Variants in MAF observed in about 807,000 individuals in gnomAD.
MAF encodes the protein transcription factor Maf.
Under a neutral mutation model 22.0 loss-of-function variants are expected in MAF, and 10 were observed. That is an observed-to-expected ratio of 0.45 (90% CI 0.28 to 0.77). The LOEUF is 0.77. Ranked by LOEUF, MAF falls within the 30% of genes least tolerant of loss-of-function variation. The probability of loss-of-function intolerance (pLI) is 0.12; values close to 1 mark genes in which losing one functional copy is unlikely to be tolerated. For synonymous variants in MAF, 337 were observed against 255.8 expected, an observed-to-expected ratio of 1.32 and a Z score of -3.03; for missense variants, 544 against 548.4, an observed-to-expected ratio of 0.99 and a Z score of 0.08.
At chr16:79,470,560 C>A in the MAF span, among the ~76,000 whole-genome samples, 1 of 152,214 alleles carries the variant, frequency 6.6e-6, no homozygotes, top group Admixed American at 6.5e-5. Flanking sequence ...CAACAGCAGC[C>A]AACTCATTCA....
the MAF span, among the ~76,000 whole-genome samples, chr16:79,421,283 G>C: frequency 6.6e-6 from 1 of 152,148 alleles, no homozygotes; most frequent in Non-Finnish European, 1.5e-5. Flanking sequence ...GCAGTCTATG[G>C]GACTGACAAA....
chr16:79,457,773 G>A, the MAF span, among the ~76,000 whole-genome samples: 1 of 152,090 alleles, frequency 6.6e-6, no homozygotes, highest in African/African-American at 2.4e-5. Flanking sequence ...ACCCCAGAGT[G>A]ATCAAGGCAC....
At chr16:79,359,076 C>T in the MAF span, among the ~76,000 whole-genome samples, 2 of 152,230 alleles carry the variant, frequency 1.3e-5, no homozygotes, top group Non-Finnish European at 2.9e-5. Context: ...CCCAGATCCA[C>T]AGGCATCCCC....
chr16:79,436,621 G>A, the MAF span, among the ~76,000 whole-genome samples: 328 of 152,246 alleles, frequency 2.2e-3, 1 homozygote, highest in African/African-American at 7.3e-3. Context: ...ACTTTTCTGG[G>A]TTTCACCAAA....
chr16:79,477,564 C>T, the MAF span, among the ~76,000 whole-genome samples: 1 of 152,116 alleles, frequency 6.6e-6, no homozygotes, highest in East Asian at 1.9e-4. Flanking sequence ...GTCACAGTTG[C>T]CTTATGAACA....
chr16:79,230,155 T>C, the MAF span, among the ~76,000 whole-genome samples: 3 of 152,096 alleles, frequency 2.0e-5, no homozygotes, highest in Non-Finnish European at 4.4e-5. Flanking sequence ...TTGAGAAACA[T>C]TTCTGGTTCT....
Position 79,600,002 on chromosome 16 carries a change from G to T in MAF, c.-100C>A. 6.5e-7 allele frequency: 1 copy of T among 1,537,606 alleles called. No homozygotes were observed. Among genetic ancestry groups the T allele is most frequent in the Non-Finnish European group, 8.8e-7 (1 of 1,134,090 alleles). On this transcript the variant is annotated 5_prime_UTR_variant, in exon 1 of 2. Coordinates refer to ENST00000326043, the MANE Select transcript of MAF (RefSeq NM_005360.5). ...GGGTGGCCAGCGGGTGAGCCAGCTT[G>T]CCGGGCTGGGGCGCTTCTAGCTTGC...
chr16:79,265,628 A>G, the MAF span, among the ~76,000 whole-genome samples: 1 of 152,238 alleles, frequency 6.6e-6, no homozygotes, highest in Admixed American at 6.5e-5. Flanking sequence ...ATAACTAATA[A>G]TAACAGAACA....
the MAF span, among the ~76,000 whole-genome samples, chr16:79,357,455 G>T: frequency 6.6e-6 from 1 of 152,106 alleles, no homozygotes; most frequent in Non-Finnish European, 1.5e-5. Flanking sequence ...AAACAAAACA[G>T]AAATAAAAAC....
At chr16:79,504,615 T>A in the MAF span, among the ~76,000 whole-genome samples, 2 of 152,106 alleles carry the variant, frequency 1.3e-5, no homozygotes, top group Middle Eastern at 3.4e-3. Flanking sequence ...GGATAGAGGA[T>A]GGAAGATGGA....
chr16:79,287,223 T>C, the MAF span, among the ~76,000 whole-genome samples: 1 of 151,860 alleles, frequency 6.6e-6, no homozygotes, highest in Admixed American at 6.6e-5. Context: ...TTCAATTGGA[T>C]ATGGTGTTCT....
chr16:79,507,272 C>A, the MAF span, among the ~76,000 whole-genome samples: 12 of 151,064 alleles, frequency 7.9e-5, 1 homozygote, highest in South Asian at 4.2e-4. Context: ...CACCACCATG[C>A]CTGGCTAATT....
the MAF span, among the ~76,000 whole-genome samples, chr16:79,209,597 C>T: frequency 2.0e-5 from 3 of 152,120 alleles, no homozygotes; most frequent in Admixed American, 6.5e-5. Context: ...CCACTCTGGT[C>T]GTTTTGGCAG....
At chr16:79,251,488 TG>T in the MAF span, among the ~76,000 whole-genome samples, 2 of 152,042 alleles carry the variant, frequency 1.3e-5, no homozygotes, top group Non-Finnish European at 2.9e-5. Flanking sequence ...GCCAATTTTT[TG>T]TATTTTTAGT....
At chr16:79,579,639 A>G in the MAF span, among the ~76,000 whole-genome samples, 1 of 152,240 alleles carries the variant, frequency 6.6e-6, no homozygotes, top group Admixed American at 6.5e-5. Context: ...TCCCAATTAA[A>G]TTTCAAAGAA....
At chr16:79,509,991 C>T in the MAF span, among the ~76,000 whole-genome samples, 1 of 152,180 alleles carries the variant, frequency 6.6e-6, no homozygotes, top group Non-Finnish European at 1.5e-5. Flanking sequence ...CCGTAGGAAG[C>T]AGGGACTCTT....
the MAF span, among the ~76,000 whole-genome samples, chr16:79,564,179 A>G: frequency 1.3e-5 from 2 of 152,254 alleles, no homozygotes; most frequent in South Asian, 4.1e-4. Context: ...AAGTCCTGGC[A>G]GGGCAGCGTT....
At chr16:79,403,211 C>T in the MAF span, among the ~76,000 whole-genome samples, 8 of 152,174 alleles carry the variant, frequency 5.3e-5, no homozygotes, top group Non-Finnish European at 1.2e-4. Context: ...ATCCATGTTT[C>T]CCGCTAAAAT....
At chr16:79,570,509 C>T in the MAF span, among the ~76,000 whole-genome samples, 2 of 152,182 alleles carry the variant, frequency 1.3e-5, no homozygotes, top group African/African-American at 2.4e-5. Context: ...TCTCTAACTT[C>T]TCTGCTTAGT....
Sources: gnomAD v4.1 joint callset for allele counts (sites outside exome capture counted in the v4.1 genomes callset) on GRCh38, gnomAD v4.1.1 for gene constraint, MANE v1.5 for transcripts, NCBI Gene and HGNC (gene_info 2026-07-23, HGNC 2026-07-21) for gene names.